FSTL4: variants seen among roughly 807,000 people sequenced by gnomAD.
FSTL4 encodes follistatin-related protein 4.
A neutral mutation model predicts 78.2 loss-of-function variants in FSTL4; 28 were observed. The observed-to-expected ratio is 0.36, with a 90% CI of 0.27 to 0.49. The LOEUF (loss-of-function observed/expected upper bound fraction) is 0.49. Among genes scored for constraint, FSTL4 ranks in the 20% least tolerant of loss-of-function variants. The pLI is 0.98. For missense variants in FSTL4, 922 were observed against 1,084.9 expected (o/e 0.85, Z 2.11); for synonymous variants, 422 against 440.5 (o/e 0.96, Z 0.53).
chr5:133,248,540 C>T (rs1420034783), intron 7 of FSTL4: 1 of 152,220 alleles, frequency 6.6e-6, no homozygotes, highest in African/African-American at 2.4e-5. Flanking sequence ...AAACCTGGAC[C>T]AATAAATATC....
chr5:133,247,437 C>A (rs551889767), intron 7 of FSTL4: 1 of 152,246 alleles, frequency 6.6e-6, no homozygotes, highest in East Asian at 1.9e-4. Context: ...TTCAGTGGAG[C>A]GCCAAGTAAT....
intron 7 of FSTL4, among the ~76,000 whole-genome samples, chr5:133,246,239 C>T (rs1752035622): frequency 6.6e-6 from 1 of 152,212 alleles, no homozygotes; most frequent in African/African-American, 2.4e-5. Flanking sequence ...GCCACTGAGA[C>T]ACCTCAGGCT....
chr5:133,220,238 T>G (rs1751048047), intron 12 of FSTL4, among the ~76,000 whole-genome samples: 1 of 152,242 alleles, frequency 6.6e-6, no homozygotes, highest in South Asian at 2.1e-4. Context: ...CAGGGTATCC[T>G]GCAAGGCCAA....
the FSTL4 span, among the ~76,000 whole-genome samples, chr5:133,760,203 G>A: frequency 6.6e-6 from 1 of 152,162 alleles, no homozygotes; most frequent in African/African-American, 2.4e-5. Context: ...AGAATGGCCA[G>A]CCTTGACTGC....
chr5:133,601,578 G>GGAGGGATGAACAGAGTGTGAGC (rs1277127969), intron 2 of FSTL4, among the ~76,000 whole-genome samples: 1 of 152,224 alleles, frequency 6.6e-6, no homozygotes, highest in African/African-American at 2.4e-5. Context: ...GGGGGTGCAT[G>GGAGGGATGAACAGAGTGTGAGC]GAGGGATGAA....
At chr5:133,374,983 A>T (rs898120531) in intron 4 of FSTL4, among the ~76,000 whole-genome samples, 5 of 152,152 alleles carry the variant, frequency 3.3e-5, no homozygotes, top group African/African-American at 9.7e-5. Flanking sequence ...CAGATCAGAC[A>T]GAAATCTTGG....
At chr5:133,568,823 A>G (rs1423497684) in intron 2 of FSTL4, among the ~76,000 whole-genome samples, 2 of 152,354 alleles carry the variant, frequency 1.3e-5, no homozygotes, top group East Asian at 1.9e-4. Context: ...AGCTCCAGAA[A>G]AAAACTATGA....
At chr5:133,818,199 T>C in the FSTL4 span, among the ~76,000 whole-genome samples, 2 of 152,194 alleles carry the variant, frequency 1.3e-5, no homozygotes, top group Non-Finnish European at 2.9e-5. Context: ...GTCCCAGAAA[T>C]TCTGATAGCA....
chr5:133,339,529 C>T (rs1045281101), intron 4 of FSTL4, among the ~76,000 whole-genome samples: 1 of 152,122 alleles, frequency 6.6e-6, no homozygotes, highest in Non-Finnish European at 1.5e-5. Flanking sequence ...CATGTCCCTC[C>T]CACCATCGAC....
At chr5:133,395,077 G>A (rs544073813) in intron 4 of FSTL4, among the ~76,000 whole-genome samples, 3 of 152,194 alleles carry the variant, frequency 2.0e-5, no homozygotes, top group African/African-American at 7.2e-5. Context: ...CTGTAAAACA[G>A]ACCAATCAGC....
intron 6 of FSTL4, among the ~76,000 whole-genome samples, chr5:133,265,409 G>A (rs558181500): frequency 6.6e-6 from 1 of 152,286 alleles, no homozygotes; most frequent in East Asian, 1.9e-4. Flanking sequence ...AAGTCAATGT[G>A]AAAGTTCCAG....
chr5:133,233,226 A>C (rs553674903), intron 8 of FSTL4, among the ~76,000 whole-genome samples, 191 bp downstream of exon 8: 1 of 152,354 alleles, frequency 6.6e-6, no homozygotes, highest in Admixed American at 6.5e-5. Flanking sequence ...CTTTGGGTGG[A>C]GCCAAATATG....
chr5:133,381,700 T>C (rs547679231), intron 4 of FSTL4, among the ~76,000 whole-genome samples: 76 of 152,236 alleles, frequency 5.0e-4, no homozygotes, highest in Non-Finnish European at 9.0e-4. Flanking sequence ...TACGTCATAA[T>C]AGAAAATGAA....
chr5:133,239,144 C>T (rs898583535), intron 7 of FSTL4, among the ~76,000 whole-genome samples: 4 of 152,196 alleles, frequency 2.6e-5, no homozygotes, highest in Admixed American at 6.5e-5. Context: ...GCAGCTGCTG[C>T]GCTGGATTTC....
chr5:133,627,532 C>A, the FSTL4 span, among the ~76,000 whole-genome samples: 1 of 152,152 alleles, frequency 6.6e-6, no homozygotes, highest in Non-Finnish European at 1.5e-5. Context: ...GGGGACACAG[C>A]CAAACCATAT....
intron 3 of FSTL4, among the ~76,000 whole-genome samples, chr5:133,442,422 C>T (rs916249318): frequency 1.3e-5 from 2 of 152,046 alleles, no homozygotes; most frequent in African/African-American, 2.4e-5. Flanking sequence ...TGCATGGAGT[C>T]AGATCCATTT....
At chr5:133,746,339 A>G in the FSTL4 span, among the ~76,000 whole-genome samples, 1 of 152,220 alleles carries the variant, frequency 6.6e-6, no homozygotes, top group South Asian at 2.1e-4. Context: ...ACAAAAGTTC[A>G]TGAAACTACG....
At chr5:133,727,039 G>C in the FSTL4 span, among the ~76,000 whole-genome samples, 2 of 152,016 alleles carry the variant, frequency 1.3e-5, no homozygotes, top group African/African-American at 4.8e-5. Flanking sequence ...TGGCAGGTGG[G>C]GAACCATCAC....
chr5:133,462,832 A>G (rs1757624896), intron 3 of FSTL4, among the ~76,000 whole-genome samples: 1 of 152,168 alleles, frequency 6.6e-6, no homozygotes, highest in African/African-American at 2.4e-5. Context: ...ATGTGTAAAA[A>G]TAATTTTCCC....
Sources: gnomAD v4.1 joint callset for allele counts (sites outside exome capture counted in the v4.1 genomes callset) on GRCh38, gnomAD v4.1.1 for gene constraint, MANE v1.5 for transcripts, NCBI Gene and HGNC (gene_info 2026-07-23, HGNC 2026-07-21) for gene names.